STAT1: variants seen among roughly 807,000 people sequenced by gnomAD.
The protein encoded by STAT1 is signal transducer and activator of transcription 1-alpha/beta.
A neutral mutation model predicts 111.7 loss-of-function variants in STAT1; 24 were observed. That is an observed-to-expected ratio of 0.21 (90% CI 0.16 to 0.30). STAT1 has a LOEUF of 0.30. Ranked by LOEUF, STAT1 falls within the 10% of genes least tolerant of loss-of-function variation. The pLI is 1.00. For synonymous variants in STAT1, 332 were observed against 326.5 expected (o/e 1.02, Z -0.18); for missense variants, 351 against 911.9 (o/e 0.38, Z 7.92).
chr2:190,978,472 C>CTG lies in STAT1; in HGVS notation c.1873+382_1873+383dup, dbSNP rs1298689815. The stretch of plus-strand genomic sequence containing the variant: ...TGTGTATGAAGTCTTCTCCCGAAGC[C>CTG]TGTCTCATCTGCACACTCTACTCTG... On this transcript the variant is annotated intron_variant, in intron 21 of 24. Transcript: ENST00000361099. The surrounding 1 kb of genome is among the most constrained non-coding windows in gnomAD (Gnocchi z 6.1). The CTG allele has an allele frequency of 3.2e-6, 1 of 309,972 alleles. No individual in the cohort carries two copies. Among genetic ancestry groups the CTG allele is most frequent in the Non-Finnish European group, 6.4e-6 (1 of 155,878 alleles). 19.2% of individuals were successfully genotyped at this position (309,972 alleles called of 1,614,324 possible).
rs1031855803 is a variant in STAT1 at position 190,971,986 on chromosome 2, T to C, written c.2239-1269A>G. Among the ~76,000 whole-genome samples, 1 of 152,112 alleles carries C rather than the reference T, an allele frequency of 6.6e-6. No homozygotes were observed. Among genetic ancestry groups the C allele is most frequent in the Non-Finnish European group, 1.5e-5 (1 of 68,018 alleles). ...CCCCGGCCTCCCAAAATGTTGAGAT[T>C]ACAGGCGTGAGCCACCGCGCCCGGC... On this transcript the variant is annotated intron_variant, in intron 24 of 24. Coordinates refer to ENST00000361099, the MANE Select transcript of STAT1 (RefSeq NM_007315.4). The surrounding 1 kb of genome is among the most constrained non-coding windows in gnomAD (Gnocchi z 4.1).
Position 190,975,039 on chromosome 2 carries a change from A to G in STAT1, c.2136-107T>C. 1.1e-6 allele frequency: 1 copy of G among 946,548 alleles called. No homozygotes were observed. Among genetic ancestry groups the G allele is most frequent in the Non-Finnish European group, 1.7e-6 (1 of 595,912 alleles). 58.6% of individuals were successfully genotyped at this position (946,548 alleles called of 1,614,324 possible). On this transcript the variant is annotated intron_variant, in intron 23 of 24. Coordinates refer to ENST00000361099, the MANE Select transcript of STAT1 (RefSeq NM_007315.4). The surrounding 1 kb of genome is among the most constrained non-coding windows in gnomAD (Gnocchi z 5.9). The stretch of plus-strand genomic sequence containing the variant: ...GTCTGTAATTGAATTATCACGTTAT[A>G]TTTTTATTTTGGGTAAGTGCATACA...
At position 190,976,189 on chromosome 2, in the gene STAT1, G is replaced by C. The variant is rs1198947934; in HGVS notation, c.2060-302C>G. Among the ~76,000 whole-genome samples, 1 of 152,150 alleles carries C rather than the reference G, an allele frequency of 6.6e-6. No homozygotes were observed. Among genetic ancestry groups the C allele is most frequent in the Non-Finnish European group, 1.5e-5 (1 of 68,010 alleles). ...GAAGTCTGAGCCCAAAATATGCAAA[G>C]TTCTATCCAGTTTATTGGCATTAGC... On this transcript the variant is annotated intron_variant, in intron 22 of 24. Transcript: ENST00000361099. This position sits in a 1 kb window ranked among gnomAD's most constrained non-coding sequence, Gnocchi z 6.0.
chr2:191,011,709 T>C (rs1051432327), intron 2 of STAT1, among the ~76,000 whole-genome samples: 4 of 152,164 alleles, frequency 2.6e-5, no homozygotes, highest in African/African-American at 9.6e-5. Flanking sequence ...GTGAGCCTCA[T>C]GACATCTGAT....
Position 190,981,135 on chromosome 2 carries a change from G to C in STAT1, c.1583-466C>G, listed in dbSNP as rs1238580228. 1.3e-5 allele frequency among the ~76,000 whole-genome samples: 2 copies of C among 151,912 alleles called. No individual in the cohort carries two copies. The highest frequency in any genetic ancestry group is 4.8e-5 in the African/African-American group (2 of 41,328). Reference sequence around the variant, plus strand: ...GCACTAAATCAAAGGTGTTCTGCTGGGCCTCCTAGAGAAGCCTCCCTATCC... The same window carrying C: ...GCACTAAATCAAAGGTGTTCTGCTGCGCCTCCTAGAGAAGCCTCCCTATCC... On this transcript the variant is annotated intron_variant, in intron 18 of 24. Coordinates refer to ENST00000361099, the MANE Select transcript of STAT1 (RefSeq NM_007315.4). This position sits in a 1 kb window ranked among gnomAD's most constrained non-coding sequence, Gnocchi z 4.1.
rs374539847 is a variant in STAT1 at position 191,007,940 on chromosome 2, T to A, written c.274-279A>T. On this transcript the variant is annotated intron_variant, in intron 4 of 24. Transcript: ENST00000361099. The surrounding 1 kb of genome is among the most constrained non-coding windows in gnomAD (Gnocchi z 4.2). ...ACATAATATTTTTACTTTAATATCTTTCCATATTTCTTAAGGCCAATTATC... is the reference window on the plus strand; with the variant it reads ...ACATAATATTTTTACTTTAATATCTATCCATATTTCTTAAGGCCAATTATC... The A allele has an allele frequency of 1.3e-4, 65 of 503,972 alleles. No homozygotes were observed. Among genetic ancestry groups the A allele is most frequent in the African/African-American group, 1.2e-3 (64 of 51,530 alleles). The allele number at this position is 503,972 out of a possible 1,614,324, so 31.2% of individuals were successfully genotyped here.
rs1197691961 is a variant in STAT1 at position 191,004,045 on chromosome 2, A to G, written c.373-2882T>C. On this transcript the variant is annotated intron_variant, in intron 5 of 24. Transcript: ENST00000361099. The surrounding 1 kb of genome is among the most constrained non-coding windows in gnomAD (Gnocchi z 5.0). Reference sequence around the variant, plus strand: ...GGTGGAAAAACCTGGTGACTGTGGCAGGGCCTAAGAAATCTCCTGCTTCCA... The same window carrying G: ...GGTGGAAAAACCTGGTGACTGTGGCGGGGCCTAAGAAATCTCCTGCTTCCA... 2.6e-5 allele frequency among the ~76,000 whole-genome samples: 4 copies of G among 152,122 alleles called. No individual in the cohort carries two copies. The highest frequency in any genetic ancestry group is 2.1e-4 in the South Asian group (1 of 4,828).
rs962108461 is a variant in STAT1 at position 190,990,308 on chromosome 2, G to A, written c.1038-634C>T. ...CAGCTGCTGAGTTCTAAAATTCCACGAGGGCTTCAGTGTGACATTGTACCT... is the reference window on the plus strand; with the variant it reads ...CAGCTGCTGAGTTCTAAAATTCCACAAGGGCTTCAGTGTGACATTGTACCT... On this transcript the variant is annotated intron_variant, in intron 11 of 24. Coordinates refer to ENST00000361099, the MANE Select transcript of STAT1 (RefSeq NM_007315.4). This position sits in a 1 kb window ranked among gnomAD's most constrained non-coding sequence, Gnocchi z 5.1. 2.6e-5 allele frequency among the ~76,000 whole-genome samples: 4 copies of A among 152,066 alleles called. No individual in the cohort carries two copies. The highest frequency in any genetic ancestry group is 4.2e-4 in the South Asian group (2 of 4,818).
chr2:190,969,202 T>C lies in STAT1; in HGVS notation c.*1501A>G, dbSNP rs1020840161. 6.6e-6 allele frequency: 1 copy of C among 152,176 alleles called. No individual in the cohort carries two copies. The highest frequency in any genetic ancestry group is 1.5e-5 in the Non-Finnish European group (1 of 68,008). 9.4% of individuals were successfully genotyped at this position (152,176 alleles called of 1,614,324 possible). A position where few individuals can be genotyped will look rare whatever the true frequency, so the allele number is the denominator to read the frequency against. The stretch of plus-strand genomic sequence containing the variant: ...TTCTTTGTTTTTTAGTCATTTCAAT[T>C]GTAAAATCAACTGAAACTTAGGTTC... On this transcript the variant is annotated 3_prime_UTR_variant, in exon 25 of 25. Transcript: ENST00000361099.
Position 190,983,765 on chromosome 2 carries a change from A to G in STAT1, c.1348-25T>C, listed in dbSNP as rs747383191. On this transcript the variant is annotated intron_variant, in intron 16 of 24. Coordinates refer to ENST00000361099, the MANE Select transcript of STAT1 (RefSeq NM_007315.4). This position sits in a 1 kb window ranked among gnomAD's most constrained non-coding sequence, Gnocchi z 5.7. ...TCTAAAGGATGACAAAGACCTTGAA[A>G]TCATCTGAATCACAGAAATGTCACC... The G allele has an allele frequency of 6.3e-7, 1 of 1,588,370 alleles. No homozygotes were observed. The highest frequency in any genetic ancestry group is 1.1e-5 in the South Asian group (1 of 90,560).
chr2:191,002,805 G>A (rs1194497590), intron 5 of STAT1, among the ~76,000 whole-genome samples: 2 of 152,144 alleles, frequency 1.3e-5, no homozygotes, highest in African/African-American at 2.4e-5. Flanking sequence ...TTGTGTTAAA[G>A]AGGTACCCAT....
At position 190,970,198 on chromosome 2, in the gene STAT1, C is replaced by T. The variant is rs1160732426; in HGVS notation, c.*505G>A. ...CTGATATAATTGTATATAAACTTGG[C>T]TTTGAACTATTTCACAGGTAAACCA... On this transcript the variant is annotated 3_prime_UTR_variant, in exon 25 of 25. Coordinates refer to ENST00000361099, the MANE Select transcript of STAT1 (RefSeq NM_007315.4). This position sits in a 1 kb window ranked among gnomAD's most constrained non-coding sequence, Gnocchi z 5.4. The T allele has an allele frequency of 5.2e-6, 1 of 191,704 alleles. No homozygotes were observed. The highest frequency in any genetic ancestry group is 1.1e-5 in the Non-Finnish European group (1 of 91,168). The allele number at this position is 191,704 out of a possible 1,614,324, so 11.9% of individuals were successfully genotyped here. A position where few individuals can be genotyped will look rare whatever the true frequency, so the allele number is the denominator to read the frequency against.
At position 190,980,574 on chromosome 2, in the gene STAT1, A is replaced by C. The variant is rs180986774; in HGVS notation, c.1632+46T>G. On this transcript the variant is annotated intron_variant, in intron 19 of 24. Transcript: ENST00000361099. The surrounding 1 kb of genome is among the most constrained non-coding windows in gnomAD (Gnocchi z 6.1). Reference sequence around the variant, plus strand: ...AGCAAGAAACATGAGAACCTCAACCAAGAGCAAAAAGGACTTAGAGAGCAT... The same window carrying C: ...AGCAAGAAACATGAGAACCTCAACCCAGAGCAAAAAGGACTTAGAGAGCAT... The C allele has an allele frequency of 1.4e-5, 23 of 1,601,032 alleles. No homozygotes were observed. In the Admixed American group the frequency reaches 3.8e-4, roughly 27 times the overall value.
intron 15 of STAT1, among the ~76,000 whole-genome samples, chr2:190,985,166 G>A (rs781398376): frequency 3.3e-5 from 5 of 152,316 alleles, no homozygotes; most frequent in East Asian, 1.9e-4. Context: ...TAAGGATCAC[G>A]CTGTAGGAAG....
chr2:190,984,386 A>T lies in STAT1; in HGVS notation c.1271T>A (p.Leu424His). 6.2e-7 allele frequency: 1 copy of T among 1,613,554 alleles called. No individual in the cohort carries two copies. Among genetic ancestry groups the T allele is most frequent in the Non-Finnish European group, 8.5e-7 (1 of 1,179,460 alleles). The change falls in exon 16 of 25, where the codon CTC becomes CAC. Residue 424 changes from leucine (L) to histidine (H), a missense_variant. Around this residue, in one of 7 missense-constraint regions of STAT1, gnomAD observed 181 missense variants for 426.1 expected, o/e 0.42. Transcript: ENST00000361099. This position sits in a 1 kb window ranked among gnomAD's most constrained non-coding sequence, Gnocchi z 5.2. ...GGAGTGAAGCTCTTCAGTAACGATGAGAGGACCCTTGGAAGAGAAAAGGAA... is the reference window on the plus strand; with the variant it reads ...GGAGTGAAGCTCTTCAGTAACGATGTGAGGACCCTTGGAAGAGAAAAGGAA... ...NAGTRTNEGP[L>H]IVTEELHSLS...
chr2:190,985,663 A>G lies in STAT1; in HGVS notation c.1222-3T>C, dbSNP rs886055379. The G allele has an allele frequency of 3.7e-6, 6 of 1,613,966 alleles. No homozygotes were observed. Among genetic ancestry groups the G allele is most frequent in the Non-Finnish European group, 5.1e-6 (6 of 1,179,920 alleles). ...GCATTTTTCTGTTCTTTCAATTGCT[A>G]TAAAACAAATAATCATCTTAGTAAA... On this transcript the variant is annotated splice_polypyrimidine_tract_variant and splice_region_variant and intron_variant, in intron 14 of 24. Transcript: ENST00000361099.
In STAT1 at chr2:190,993,400, GTCTAAC is replaced by G. The variant is rs1460401504; in HGVS notation, c.944+1655_944+1660del. The G allele has an allele frequency of 1.4e-6, 2 of 1,386,704 alleles. No individual in the cohort carries two copies. Among genetic ancestry groups the G allele is most frequent in the East Asian group, 4.8e-5 (2 of 41,948 alleles). The allele number at this position is 1,386,704 out of a possible 1,614,324, so 85.9% of individuals were successfully genotyped here. On this transcript the variant is annotated intron_variant, in intron 10 of 24. Transcript: ENST00000361099. This position sits in a 1 kb window ranked among gnomAD's most constrained non-coding sequence, Gnocchi z 4.1. ...ATATTTGAAGCTTGATTGTTTTCCC[GTCTAAC>G]TCTATAGTTCTTATTTTGAAATCCA...
In STAT1 at chr2:190,975,618, GTTTTTGGCT is replaced by G; in HGVS notation, c.2135+185_2135+193del. On this transcript the variant is annotated intron_variant, in intron 23 of 24. Transcript: ENST00000361099. The surrounding 1 kb of genome is among the most constrained non-coding windows in gnomAD (Gnocchi z 5.9). ...TTTATATACCTTAAATACAAATTTG[GTTTTTGGCT>G]TTTTTTTTTTTTTTAAAGTAGTAAA... 10 of 1,431,628 alleles carry G rather than the reference GTTTTTGGCT, an allele frequency of 7.0e-6. No homozygotes were observed. Among genetic ancestry groups the G allele is most frequent in the Non-Finnish European group, 8.2e-6 (9 of 1,097,808 alleles). 88.7% of individuals were successfully genotyped at this position (1,431,628 alleles called of 1,614,324 possible).
Position 190,995,313 on chromosome 2 carries a change from C to T in STAT1, c.786-94G>A, listed in dbSNP as rs1693765464. ...CATGGTATATTAGTCCATTCTCATGCTGCTAATAAAGACATACTCGAGACT... is the reference window on the plus strand; with the variant it reads ...CATGGTATATTAGTCCATTCTCATGTTGCTAATAAAGACATACTCGAGACT... On this transcript the variant is annotated intron_variant, in intron 9 of 24. Transcript: ENST00000361099. The surrounding 1 kb of genome is among the most constrained non-coding windows in gnomAD (Gnocchi z 4.2). The T allele has an allele frequency of 4.0e-6, 5 of 1,253,030 alleles. No individual in the cohort carries two copies. Among genetic ancestry groups the T allele is most frequent in the Non-Finnish European group, 5.8e-6 (5 of 859,492 alleles). The allele number at this position is 1,253,030 out of a possible 1,614,324, so 77.6% of individuals were successfully genotyped here. A position where few individuals can be genotyped will look rare whatever the true frequency, so the allele number is the denominator to read the frequency against.
Sources: gnomAD v4.1 joint callset for allele counts (sites outside exome capture counted in the v4.1 genomes callset) on GRCh38, gnomAD v4.1.1 for gene constraint, gnomAD v4.1.1 regional missense constraint, Gnocchi (gnomAD v3.1) non-coding constraint, MANE v1.5 for transcripts, NCBI Gene and HGNC (gene_info 2026-07-23, HGNC 2026-07-21) for gene names.